The following SDK2 variants were observed in gnomAD, a reference collection of about 807,000 sequenced individuals.
SDK2 encodes protein sidekick-2.
In SDK2, 105 loss-of-function variants were observed where a neutral mutation model predicts 253.9. The observed-to-expected ratio is 0.41, with a 90% CI of 0.35 to 0.49. The LOEUF is 0.49. Ranked by LOEUF, SDK2 falls within the 20% of genes least tolerant of loss-of-function variation. SDK2 has a pLI of 0.06. For missense variants in SDK2, 2,608 were observed against 3,003.0 expected (o/e 0.87, Z 3.07); for synonymous variants, 1,249 against 1,234.9 (o/e 1.01, Z -0.24).
chr17:73,350,114 A>T, intron 43 of SDK2, 123 bp downstream of exon 43: 3 of 623,406 alleles, frequency 4.8e-6, no homozygotes, highest in Non-Finnish European at 6.7e-6. Flanking sequence ...CTGGGGCTTG[A>T]ATGGTGTTTC....
chr17:73,519,009 C>T (rs552350701), intron 1 of SDK2: 1 of 152,360 alleles, frequency 6.6e-6, no homozygotes, highest in South Asian at 2.1e-4. Context: ...ACTCTTCTGC[C>T]CATCCCCTAA....
In SDK2 at chr17:73,509,902, C is replaced by CAAAAAA. The variant is rs71157018; in HGVS notation, c.65-2311_65-2306dup. Among the ~76,000 whole-genome samples, 62 of 25,374 alleles carry CAAAAAA rather than the reference C, an allele frequency of 2.4e-3. 4 individuals are homozygous for CAAAAAA. Among genetic ancestry groups the CAAAAAA allele is most frequent in the Admixed American group, 4.0e-3 (9 of 2,252 alleles). 16.6% of individuals were successfully genotyped at this position (25,374 alleles called of 152,430 possible). A position where few individuals can be genotyped will look rare whatever the true frequency, so the allele number is the denominator to read the frequency against. On this transcript the variant is annotated intron_variant, in intron 1 of 44. Coordinates refer to ENST00000392650, the MANE Select transcript of SDK2 (RefSeq NM_001144952.2). ...GCAACAGAGCAAGACTCCATCTCTA[C>CAAAAAA]AAAAAAAAAAAAAAAAAAAAGAAGG...
chr17:73,578,204 C>A (rs539735360), intron 1 of SDK2, among the ~76,000 whole-genome samples: 9 of 152,220 alleles, frequency 5.9e-5, no homozygotes, highest in African/African-American at 1.7e-4. Flanking sequence ...GGATTACAGG[C>A]ACACACCACC....
chr17:73,499,329 C>T (rs554964773), intron 2 of SDK2, among the ~76,000 whole-genome samples: 13 of 152,388 alleles, frequency 8.5e-5, no homozygotes, highest in African/African-American at 1.9e-4. Flanking sequence ...ACTTTCTTCT[C>T]CCAGCTGCCA....
intron 1 of SDK2, among the ~76,000 whole-genome samples, chr17:73,625,962 C>T (rs150358258): frequency 1.2e-4 from 19 of 152,222 alleles, no homozygotes; most frequent in Non-Finnish European, 2.4e-4. Context: ...CATTTTGCAC[C>T]GGATCCTGCA....
rs1223807746 is a variant in SDK2 at position 73,379,854 on chromosome 17, A to G, written c.4763-305T>C. On this transcript the variant is annotated intron_variant, in intron 34 of 44. Transcript: ENST00000392650. The surrounding 1 kb of genome is among the most constrained non-coding windows in gnomAD (Gnocchi z 4.5). The stretch of plus-strand genomic sequence containing the variant: ...TATTTACACCGGGACAACCAGTGTA[A>G]ACCAAAGCTGTCCTGGGCATGCCTG... Among the ~76,000 whole-genome samples the G allele has an allele frequency of 6.6e-6, 1 of 151,944 alleles. No individual in the cohort carries two copies. The highest frequency in any genetic ancestry group is 1.5e-5 in the Non-Finnish European group (1 of 67,978).
chr17:73,452,279 C>T (rs2063495679), intron 4 of SDK2, among the ~76,000 whole-genome samples: 1 of 152,216 alleles, frequency 6.6e-6, no homozygotes, highest in Non-Finnish European at 1.5e-5. Flanking sequence ...GTGCCCTGCA[C>T]ACCCCTCTGG....
intron 5 of SDK2, among the ~76,000 whole-genome samples, chr17:73,444,658 G>A (rs1049091162): frequency 6.6e-6 from 1 of 152,216 alleles, no homozygotes; most frequent in African/African-American, 2.4e-5. Context: ...CTGAGGCTCA[G>A]AGACCATGTG....
chr17:73,398,328 G>A lies in SDK2; in HGVS notation c.3195C>T (p.Thr1065=), dbSNP rs761116722. ...SMEVPDLNPF[T]CYSFRMRQVN... is the part of the protein sequence containing the mutation. ...CGGGCCAGTCTCATTACCTGTAGCA[G>A]GTGAAGGGGTTGAGGTCGGGCACCT... Residue 1065 remains threonine, a synonymous_variant, in exon 23 of 45, where the codon ACC becomes ACT. Coordinates refer to ENST00000392650, the MANE Select transcript of SDK2 (RefSeq NM_001144952.2). The A allele has an allele frequency of 7.4e-6, 12 of 1,613,828 alleles. No homozygotes were observed. Among genetic ancestry groups the A allele is most frequent in the African/African-American group, 4.0e-5 (3 of 74,942 alleles).
Position 73,629,575 on chromosome 17 carries a change from C to T in SDK2, c.64+14450G>A, listed in dbSNP as rs552768104. 2.7e-4 allele frequency among the ~76,000 whole-genome samples: 41 copies of T among 152,230 alleles called. No individual in the cohort carries two copies. The Middle Eastern group carries it at 0.014, about 51-fold the overall frequency. On this transcript the variant is annotated intron_variant, in intron 1 of 44. Transcript: ENST00000392650. This position sits in a 1 kb window ranked among gnomAD's most constrained non-coding sequence, Gnocchi z 5.0. Reference sequence around the variant, plus strand: ...AGACCCCAGCATTTCCTAGGGAAGACGGGGGCCCCTCCCATCCTACAAGAC... The same window carrying T: ...AGACCCCAGCATTTCCTAGGGAAGATGGGGGCCCCTCCCATCCTACAAGAC...
chr17:73,379,474 G>T lies in SDK2; in HGVS notation c.4838C>A (p.Pro1613Gln). The T allele has an allele frequency of 6.2e-7, 1 of 1,610,336 alleles. No homozygotes were observed. The highest frequency in any genetic ancestry group is 1.7e-4 in the Middle Eastern group (1 of 6,044). ...TGCCTCCCCAACAAAGACCTCCTGC[G>T]GGGGGCTGGAGGGCCCCTCACCCAC... ...NAVGEGPSSPPQEVFVGEAVP... is the reference protein window; with the variant it reads ...NAVGEGPSSPQQEVFVGEAVP... The change falls in exon 35 of 45, where the codon CCG becomes CAG. Residue 1613 changes from proline to glutamine, a missense_variant. Transcript: ENST00000392650. This position sits in a 1 kb window ranked among gnomAD's most constrained non-coding sequence, Gnocchi z 4.5.
intron 18 of SDK2, among the ~76,000 whole-genome samples, chr17:73,414,132 C>T (rs1599542837): frequency 6.6e-6 from 1 of 151,596 alleles, no homozygotes; most frequent in Non-Finnish European, 1.5e-5. Context: ...ACTGCAACCT[C>T]CGCCTCCCAG....
chr17:73,545,976 G>A (rs1425404253), intron 1 of SDK2, among the ~76,000 whole-genome samples: 1 of 152,152 alleles, frequency 6.6e-6, no homozygotes, highest in African/African-American at 2.4e-5. Context: ...GTGCAACCCG[G>A]GACTCAGATG....
intron 1 of SDK2, among the ~76,000 whole-genome samples, chr17:73,635,355 C>G (rs1054763181): frequency 2.6e-5 from 4 of 152,132 alleles, no homozygotes; most frequent in Non-Finnish European, 5.9e-5. Context: ...TGCACTGGCT[C>G]TCACGGCTCG....
chr17:73,412,035 C>T lies in SDK2; in HGVS notation c.2484+2609G>A, dbSNP rs1212260364. Among the ~76,000 whole-genome samples, 15 of 2,448 alleles carry T rather than the reference C, an allele frequency of 6.1e-3. 4 individuals are homozygous for T. The highest frequency in any genetic ancestry group is 0.011 in the African/African-American group (12 of 1,138). The allele number at this position is 2,448 out of a possible 152,430, so 1.6% of individuals were successfully genotyped here. On this transcript the variant is annotated intron_variant, in intron 18 of 44. Coordinates refer to ENST00000392650, the MANE Select transcript of SDK2 (RefSeq NM_001144952.2). ...GTAGATATACGTATATGTATATATA[C>T]GTATATATATGTATATACGTATATG...
In SDK2 at chr17:73,559,608, C is replaced by CTCCT. The variant is rs1555603366; in HGVS notation, c.65-52012_65-52011insAGGA. On this transcript the variant is annotated intron_variant, in intron 1 of 44. Transcript: ENST00000392650. ...CACTCCGCTCCCTGTGCCCCCCGCC[C>CTCCT]CCGCCACCATACCACACATGTCACC... 4.3e-3 allele frequency among the ~76,000 whole-genome samples: 642 copies of CTCCT among 147,636 alleles called. 22 individuals are homozygous for CTCCT. The highest frequency in any genetic ancestry group is 0.014 in the African/African-American group (548 of 38,130).
chr17:73,455,148 C>G lies in SDK2; in HGVS notation c.479+758G>C, dbSNP rs561999924. Among the ~76,000 whole-genome samples the G allele has an allele frequency of 2.6e-5, 4 of 152,288 alleles. No individual in the cohort carries two copies. Among genetic ancestry groups the G allele is most frequent in the Admixed American group, 6.5e-5 (1 of 15,290 alleles). ...CAGGCTCAGTCCTGTGTACACGCAGCCTGGGTAGATCAGAAGGTGGTCTTC... is the reference window on the plus strand; with the variant it reads ...CAGGCTCAGTCCTGTGTACACGCAGGCTGGGTAGATCAGAAGGTGGTCTTC... On this transcript the variant is annotated intron_variant, in intron 4 of 44. Coordinates refer to ENST00000392650, the MANE Select transcript of SDK2 (RefSeq NM_001144952.2). This position sits in a 1 kb window ranked among gnomAD's most constrained non-coding sequence, Gnocchi z 5.0.
intron 36 of SDK2, among the ~76,000 whole-genome samples, chr17:73,374,871 G>A (rs969631150): frequency 7.2e-5 from 11 of 152,190 alleles, no homozygotes; most frequent in African/African-American, 2.2e-4. Flanking sequence ...TGGCCCACCC[G>A]GATAGTTCAG....
At chr17:73,505,458 T>C (rs1043174405) in intron 2 of SDK2, among the ~76,000 whole-genome samples, 9 of 150,612 alleles carry the variant, frequency 6.0e-5, no homozygotes, top group Non-Finnish European at 3.0e-5. Context: ...TTGTCTATGA[T>C]TGCTATCATC....
Sources: gnomAD v4.1 joint callset for allele counts (sites outside exome capture counted in the v4.1 genomes callset) on GRCh38, gnomAD v4.1.1 for gene constraint, Gnocchi (gnomAD v3.1) non-coding constraint, MANE v1.5 for transcripts, NCBI Gene and HGNC (gene_info 2026-07-23, HGNC 2026-07-21) for gene names.